C5AR2: variants seen among roughly 807,000 people sequenced by gnomAD.
C5AR2 encodes complement C5a receptor 2.
For missense variants in C5AR2, 458 were observed against 467.5 expected (o/e 0.98, Z 0.19); for synonymous variants, 224 against 216.5 (o/e 1.03, Z -0.30).
chr19:47,344,689 C>T lies in C5AR2; in HGVS notation c.*2876C>T, dbSNP rs1969093635. 1 of 152,178 alleles carries T rather than the reference C, an allele frequency of 6.6e-6. No homozygotes were observed. Among genetic ancestry groups the T allele is most frequent in the Admixed American group, 6.6e-5 (1 of 15,258 alleles). 9.4% of individuals were successfully genotyped at this position (152,178 alleles called of 1,614,324 possible). A position where few individuals can be genotyped will look rare whatever the true frequency, so the allele number is the denominator to read the frequency against. On this transcript the variant is annotated 3_prime_UTR_variant, in exon 2 of 2. Transcript: ENST00000595464. ...TCCTTCCAGAAAGAATGGGCTCTTC[C>T]TTTCTCTGAGTCTCTGGAACACAAG...
At chr19:47,338,703 T>C (rs1022414569) in intron 1 of C5AR2, among the ~76,000 whole-genome samples, 7 of 119,842 alleles carry the variant, frequency 5.8e-5, no homozygotes, top group Non-Finnish European at 1.3e-4. Flanking sequence ...TCAGGCATGA[T>C]GGTGTGCACC....
At chr19:47,333,483 G>C (rs1249630875) in intron 1 of C5AR2, among the ~76,000 whole-genome samples, 1 of 152,058 alleles carries the variant, frequency 6.6e-6, no homozygotes, top group African/African-American at 2.4e-5. Flanking sequence ...CATGTATTCT[G>C]GTGAGCATAT....
intron 1 of C5AR2, among the ~76,000 whole-genome samples, chr19:47,334,027 C>T (rs1368926102): frequency 6.6e-6 from 1 of 152,146 alleles, no homozygotes; most frequent in Non-Finnish European, 1.5e-5. Flanking sequence ...CTCTCTGTGC[C>T]TCAGTTTACT....
chr19:47,341,783 C>T lies in C5AR2; in HGVS notation c.984C>T (p.Ser328=). Residue 328 remains serine, a synonymous_variant, in exon 2 of 2, where the codon AGC becomes AGT. Coordinates refer to ENST00000595464, the MANE Select transcript of C5AR2 (RefSeq NM_001271749.2). The surrounding 1 kb of genome is among the most constrained non-coding windows in gnomAD (Gnocchi z 4.6). ...DESVDSKKST[S]HDLVSEMEV Reference sequence around the variant, plus strand: ...GTGTGGACAGCAAGAAATCCACCAGCCATGACCTGGTCTCGGAGATGGAGG... The same window carrying T: ...GTGTGGACAGCAAGAAATCCACCAGTCATGACCTGGTCTCGGAGATGGAGG... 1 of 1,613,644 alleles carries T rather than the reference C, an allele frequency of 6.2e-7. No homozygotes were observed. Among genetic ancestry groups the T allele is most frequent in the Admixed American group, 1.7e-5 (1 of 60,014 alleles).
rs747550981 is a variant in C5AR2, at chr19:47,340,813, C to G, written c.14C>G (p.Ser5Cys). Residue 5 changes from serine (S) to cysteine (C), a missense_variant, in exon 2 of 2, where the codon TCT (serine) becomes TGT (cysteine). Transcript: ENST00000595464. ...CCAGGAGCCTGAATGGGGAACGATT[C>G]TGTCAGCTACGAGTATGGGGATTAC... MGND[S>C]VSYEYGDYSD... 31 of 1,613,482 alleles carry G rather than the reference C, an allele frequency of 1.9e-5. No individual in the cohort carries two copies. The highest frequency in any genetic ancestry group is 2.5e-5 in the Non-Finnish European group (30 of 1,179,976).
At chr19:47,335,589 G>A (rs967469276) in intron 1 of C5AR2, among the ~76,000 whole-genome samples, 6 of 150,902 alleles carry the variant, frequency 4.0e-5, no homozygotes, top group Non-Finnish European at 8.9e-5. Context: ...TGGCTAACAC[G>A]GTGAAACCCT....
Position 47,339,102 on chromosome 19 carries a change from C to T in C5AR2, c.-15-1683C>T, listed in dbSNP as rs901810832. On this transcript the variant is annotated intron_variant, in intron 1 of 1. Coordinates refer to ENST00000595464, the MANE Select transcript of C5AR2 (RefSeq NM_001271749.2). Reference sequence around the variant, plus strand: ...CCAGGAGGCGGAGGTTGCAGTGAGCCGAGATCATGCCACCACACTCCAGCC... The same window carrying T: ...CCAGGAGGCGGAGGTTGCAGTGAGCTGAGATCATGCCACCACACTCCAGCC... Among the ~76,000 whole-genome samples, 70 of 151,066 alleles carry T rather than the reference C, an allele frequency of 4.6e-4. 2 individuals carry two copies. Among genetic ancestry groups the T allele is most frequent in the South Asian group, 2.1e-3 (10 of 4,722 alleles).
At chr19:47,340,482 G>C (rs899546968) in intron 1 of C5AR2, among the ~76,000 whole-genome samples, 1 of 151,846 alleles carries the variant, frequency 6.6e-6, no homozygotes, top group African/African-American at 2.4e-5. Context: ...TGGGATTACA[G>C]GTGCCCGCCA....
intron 1 of C5AR2, among the ~76,000 whole-genome samples, chr19:47,334,849 A>AT (rs758180787): frequency 4.1e-4 from 61 of 150,062 alleles, no homozygotes; most frequent in Admixed American, 9.4e-4. Context: ...GAACATTTAC[A>AT]TTACCCAACA....
intron 1 of C5AR2, among the ~76,000 whole-genome samples, chr19:47,339,153 C>G (rs752663051): frequency 1.1e-4 from 17 of 151,250 alleles, no homozygotes; most frequent in African/African-American, 3.9e-4. Context: ...AACTCTGTCT[C>G]AAAAAAAATA....
chr19:47,340,367 G>A (rs1444415629), intron 1 of C5AR2, among the ~76,000 whole-genome samples: 1 of 141,812 alleles, frequency 7.1e-6, no homozygotes, highest in Non-Finnish European at 1.5e-5. Context: ...TTTTTTTTGA[G>A]ATGGAGTCTC....
intron 1 of C5AR2, among the ~76,000 whole-genome samples, chr19:47,334,725 CT>C (rs34072589): frequency 0.98 from 149,249 of 151,886 alleles, 73,345 homozygotes; most frequent in East Asian, 1. Context: ...TCATAGCCTA[CT>C]TTTTTTTTTT....
Position 47,341,629 on chromosome 19 carries a change from T to C in C5AR2, c.830T>C (p.Val277Ala), listed in dbSNP as rs1045465534. 1 of 1,613,894 alleles carries C rather than the reference T, an allele frequency of 6.2e-7. No homozygotes were observed. Among genetic ancestry groups the C allele is most frequent in the Non-Finnish European group, 8.5e-7 (1 of 1,179,992 alleles). ...ARALRAEPLI[V>A]GLALAHSCLN... ...GCCCTGCGGGCTGAACCCCTCATCG[T>C]GGGCCTTGCCCTCGCTCACAGCTGC... The change falls in exon 2 of 2, where the codon GTG becomes GCG. Residue 277 changes from valine (V) to alanine (A), a missense_variant. Physicochemically the swap from Val to Ala is moderately conservative, Grantham distance 64. Coordinates refer to ENST00000595464, the MANE Select transcript of C5AR2 (RefSeq NM_001271749.2). This position sits in a 1 kb window ranked among gnomAD's most constrained non-coding sequence, Gnocchi z 4.6.
Position 47,341,396 on chromosome 19 carries a change from G to A in C5AR2, c.597G>A (p.Ala199=), listed in dbSNP as rs36046934. The A allele has an allele frequency of 0.014, 23,316 of 1,612,538 alleles. 256 individuals are homozygous for A. Among genetic ancestry groups the A allele is most frequent in the Middle Eastern group, 0.073 (440 of 6,060 alleles). The change falls in exon 2 of 2, where the codon GCG becomes GCA. Residue 199 remains alanine (A), a synonymous_variant. Transcript: ENST00000595464. This position sits in a 1 kb window ranked among gnomAD's most constrained non-coding sequence, Gnocchi z 4.6. ...DYGGSSSTEN[A]VTAIRFLFGF... is the part of the protein sequence containing the mutation. ...GCGGCTCCTCCAGCACCGAGAATGCGGTGACTGCCATCCGGTTTCTTTTTG... is the reference window on the plus strand; with the variant it reads ...GCGGCTCCTCCAGCACCGAGAATGCAGTGACTGCCATCCGGTTTCTTTTTG...
Position 47,341,005 on chromosome 19 carries a change from G to A in C5AR2, c.206G>A (p.Gly69Asp). 6.2e-7 allele frequency: 1 copy of A among 1,609,482 alleles called. No homozygotes were observed. The highest frequency in any genetic ancestry group is 1.6e-4 in the Middle Eastern group (1 of 6,062). The change falls in exon 2 of 2, where the codon GGT becomes GAT. Residue 69 changes from glycine to aspartate, a missense_variant. Physicochemically the swap from Gly to Asp is moderately conservative, Grantham distance 94. Coordinates refer to ENST00000595464, the MANE Select transcript of C5AR2 (RefSeq NM_001271749.2). This position sits in a 1 kb window ranked among gnomAD's most constrained non-coding sequence, Gnocchi z 4.6. ...GGGAAGGTGGCCCGCCGGAGGGTGG[G>A]TGCCACCTGGTTGCTCCACCTGGCC... is the stretch of plus-strand genomic sequence containing the variant. Reference protein sequence around the residue: ...VAGKVARRRVGATWLLHLAVA... With the variant: ...VAGKVARRRVDATWLLHLAVA...
At position 47,341,485 on chromosome 19, in the gene C5AR2, G is replaced by A. The variant is rs749685076; in HGVS notation, c.686G>A (p.Arg229Gln). Residue 229 changes from arginine to glutamine, a missense_variant, in exon 2 of 2, where the codon CGA becomes CAA. Coordinates refer to ENST00000595464, the MANE Select transcript of C5AR2 (RefSeq NM_001271749.2). The surrounding 1 kb of genome is among the most constrained non-coding windows in gnomAD (Gnocchi z 4.6). ...CHSALLCWAARRCRPLGTAIV... is the reference protein window; with the variant it reads ...CHSALLCWAAQRCRPLGTAIV... ...AGTGCCCTCCTGTGCTGGGCAGCCC[G>A]ACGCTGCCGGCCGCTGGGCACAGCC... 2.5e-6 allele frequency: 4 copies of A among 1,611,740 alleles called. No individual in the cohort carries two copies. The highest frequency in any genetic ancestry group is 2.7e-5 in the African/African-American group (2 of 75,032).
At position 47,344,785 on chromosome 19, in the gene C5AR2, T is replaced by C. The variant is rs1969095250; in HGVS notation, c.*2972T>C. 1 of 152,148 alleles carries C rather than the reference T, an allele frequency of 6.6e-6. No homozygotes were observed. The highest frequency in any genetic ancestry group is 2.1e-4 in the South Asian group (1 of 4,822). 9.4% of individuals were successfully genotyped at this position (152,148 alleles called of 1,614,324 possible). A position where few individuals can be genotyped will look rare whatever the true frequency, so the allele number is the denominator to read the frequency against. On this transcript the variant is annotated 3_prime_UTR_variant, in exon 2 of 2. Transcript: ENST00000595464. ...TTTTTTTTAATTTAATTTAATTTTA[T>C]TTTTTTGAGATGAAGTCTTGCTCTG...
chr19:47,347,015 C>A lies in C5AR2; in HGVS notation c.*5202C>A, dbSNP rs1025133133. The A allele has an allele frequency of 6.6e-6, 1 of 152,130 alleles. No homozygotes were observed. Among genetic ancestry groups the A allele is most frequent in the African/African-American group, 2.4e-5 (1 of 41,418 alleles). The allele number at this position is 152,130 out of a possible 1,614,324, so 9.4% of individuals were successfully genotyped here. The stretch of plus-strand genomic sequence containing the variant: ...CTTTTTTGAACTGGAATACATTTCA[C>A]GGGAATTTTCAAATTTAAGTCTGTG... On this transcript the variant is annotated 3_prime_UTR_variant, in exon 2 of 2. Coordinates refer to ENST00000595464, the MANE Select transcript of C5AR2 (RefSeq NM_001271749.2).
rs1969058582 is a variant in C5AR2, at chr19:47,342,570, A to G, written c.*757A>G. On this transcript the variant is annotated 3_prime_UTR_variant, in exon 2 of 2. Transcript: ENST00000595464. ...GCTAATTTTTGTATTTTTAGTAGAG[A>G]AGGGGTTTCACCTTGTTAGCCAGGA... 2.6e-5 allele frequency: 4 copies of G among 151,384 alleles called. No homozygotes were observed. The South Asian group carries it at 8.3e-4, about 32-fold the overall frequency. 9.4% of individuals were successfully genotyped at this position (151,384 alleles called of 1,614,324 possible). A position where few individuals can be genotyped will look rare whatever the true frequency, so the allele number is the denominator to read the frequency against.
Sources: gnomAD v4.1 joint callset for allele counts (sites outside exome capture counted in the v4.1 genomes callset) on GRCh38, gnomAD v4.1.1 for gene constraint, Gnocchi (gnomAD v3.1) non-coding constraint, MANE v1.5 for transcripts, NCBI Gene and HGNC (gene_info 2026-07-23, HGNC 2026-07-21) for gene names.